The following PTPRN2 variants were observed in gnomAD, a reference collection of about 807,000 sequenced individuals.
The protein encoded by PTPRN2 is protein tyrosine phosphatase receptor type N2, also known as receptor-type tyrosine-protein phosphatase N2.
A neutral mutation model predicts 118.8 loss-of-function variants in PTPRN2; 74 were observed. The ratio of observed to expected loss-of-function variants is 0.62; its 90% confidence interval spans 0.52 to 0.76. The LOEUF is 0.76. Ranked by LOEUF, PTPRN2 falls within the 30% of genes least tolerant of loss-of-function variation. The pLI is 0.00. For synonymous variants in PTPRN2, 641 were observed against 608.0 expected, an observed-to-expected ratio of 1.05 and a Z score of -0.80; for missense variants, 1,481 against 1,394.4, an observed-to-expected ratio of 1.06 and a Z score of -0.99.
chr7:157,840,620 TG>T (rs1808354405), intron 12 of PTPRN2, among the ~76,000 whole-genome samples: 1 of 152,080 alleles, frequency 6.6e-6, no homozygotes, highest in South Asian at 2.1e-4. Context: ...GGCCCCGTGT[TG>T]GGGGGAAGTT....
chr7:158,398,837 C>A (rs1812726390), intron 2 of PTPRN2, among the ~76,000 whole-genome samples: 1 of 152,206 alleles, frequency 6.6e-6, no homozygotes, highest in Admixed American at 6.5e-5. Flanking sequence ...TCACTGTTTC[C>A]AAGCTTACTT....
At chr7:158,262,271 CAT>C (rs1387517711) in intron 3 of PTPRN2, among the ~76,000 whole-genome samples, 4 of 152,096 alleles carry the variant, frequency 2.6e-5, no homozygotes, top group African/African-American at 7.2e-5. Flanking sequence ...CACTGCAACA[CAT>C]ATACACACAT....
intron 14 of PTPRN2, among the ~76,000 whole-genome samples, chr7:157,650,471 G>A (rs2035897358): frequency 6.6e-6 from 1 of 152,248 alleles, no homozygotes; most frequent in Non-Finnish European, 1.5e-5. Context: ...GTCTGTGAAC[G>A]CAGGCCCCAC....
At chr7:157,895,088 G>A (rs1368127239) in intron 12 of PTPRN2, among the ~76,000 whole-genome samples, 1 of 152,144 alleles carries the variant, frequency 6.6e-6, no homozygotes, top group Non-Finnish European at 1.5e-5. Context: ...TGATGAGCAG[G>A]AGCTGTAGAA....
Position 158,529,531 on chromosome 7 carries a change from C to A in PTPRN2, c.113-39746G>T, listed in dbSNP as rs78250975. 2.7e-3 allele frequency among the ~76,000 whole-genome samples: 406 copies of A among 152,340 alleles called. 6 individuals carry two copies. The highest frequency in any genetic ancestry group is 0.023 in the East Asian group (119 of 5,170). On this transcript the variant is annotated intron_variant, in intron 1 of 22. Coordinates refer to ENST00000389418, the MANE Select transcript of PTPRN2 (RefSeq NM_002847.5). This position sits in a 1 kb window ranked among gnomAD's most constrained non-coding sequence, Gnocchi z 4.7. ...ACTCACATCGCTGCCTCTGGAACCA[C>A]AGAGTGCTCTGTATTAGATATTTTG...
chr7:158,405,194 G>A (rs1460854097), intron 2 of PTPRN2, among the ~76,000 whole-genome samples: 1 of 152,266 alleles, frequency 6.6e-6, no homozygotes, highest in Admixed American at 6.5e-5. Context: ...GATGCCTGGA[G>A]TCCACATCCT....
chr7:158,212,023 A>G (rs1182706457), intron 3 of PTPRN2, among the ~76,000 whole-genome samples: 1 of 152,244 alleles, frequency 6.6e-6, no homozygotes, highest in Non-Finnish European at 1.5e-5. Context: ...ACAGTGGAGT[A>G]CTATTCAGCC....
At chr7:158,078,288 T>C (rs1445450951) in intron 11 of PTPRN2, among the ~76,000 whole-genome samples, 1 of 152,188 alleles carries the variant, frequency 6.6e-6, no homozygotes, top group South Asian at 2.1e-4. Flanking sequence ...CTCAGGCCCT[T>C]GAGGGAACCA....
intron 13 of PTPRN2, among the ~76,000 whole-genome samples, chr7:157,664,149 T>C (rs1796024559): frequency 6.6e-6 from 1 of 152,196 alleles, no homozygotes; most frequent in African/African-American, 2.4e-5. Context: ...CACTCTTCAT[T>C]GAAAAGTAGC....
chr7:157,615,523 C>G lies in PTPRN2; in HGVS notation c.2344+5839G>C. On this transcript the variant is annotated intron_variant, in intron 15 of 22. Transcript: ENST00000389418. The surrounding 1 kb of genome is among the most constrained non-coding windows in gnomAD (Gnocchi z 4.3). ...GGGACCTGGGGACGGCTGGGGTGAC[C>G]CCATCGCAAGGCCGGGCCGTGGAAA... The G allele has an allele frequency of 2.1e-6, 1 of 471,214 alleles. No individual in the cohort carries two copies. The highest frequency in any genetic ancestry group is 1.5e-5 in the South Asian group (1 of 64,568). 29.2% of individuals were successfully genotyped at this position (471,214 alleles called of 1,614,324 possible). A position where few individuals can be genotyped will look rare whatever the true frequency, so the allele number is the denominator to read the frequency against.
intron 21 of PTPRN2, among the ~76,000 whole-genome samples, chr7:157,556,160 C>G (rs1221986380): frequency 6.6e-6 from 1 of 152,178 alleles, no homozygotes; most frequent in Non-Finnish European, 1.5e-5. Context: ...AGACCTGGGT[C>G]TCAGGGATGC....
chr7:157,548,805 G>A (rs1258849245), intron 22 of PTPRN2, 141 bp downstream of exon 22: 11 of 833,092 alleles, frequency 1.3e-5, no homozygotes, highest in African/African-American at 5.1e-5. Context: ...ATGCAAGGCC[G>A]GCATGGACGA....
rs536398592 is a variant in PTPRN2, at chr7:158,266,596, C to T, written c.277+50223G>A. On this transcript the variant is annotated intron_variant, in intron 3 of 22. Coordinates refer to ENST00000389418, the MANE Select transcript of PTPRN2 (RefSeq NM_002847.5). ...GGCTGTGAGCATCAGGCCTGAATTC[C>T]GTGAACTGAGGAACAGCCTGACAGA... 1.4e-4 allele frequency among the ~76,000 whole-genome samples: 22 copies of T among 152,234 alleles called. 1 individual carries two copies. The highest frequency in any genetic ancestry group is 1.1e-3 in the Admixed American group (17 of 15,282).
intron 5 of PTPRN2, among the ~76,000 whole-genome samples, chr7:158,185,944 C>A (rs1388921778): frequency 1.3e-5 from 2 of 152,160 alleles, no homozygotes; most frequent in East Asian, 3.9e-4. Flanking sequence ...CTCCCTTGTC[C>A]CCAGTCTTCA....
chr7:158,188,343 GGCCGCCACGCTCGCCGCCTGAT>G lies in PTPRN2; in HGVS notation c.549+3962_549+3983del, dbSNP rs1380969611. Among the ~76,000 whole-genome samples the G allele has an allele frequency of 1.9e-3, 136 of 72,342 alleles. 7 individuals are homozygous for G. The highest frequency in any genetic ancestry group is 5.2e-3 in the East Asian group (10 of 1,928). The allele number at this position is 72,342 out of a possible 152,430, so 47.5% of individuals were successfully genotyped here. A position where few individuals can be genotyped will look rare whatever the true frequency, so the allele number is the denominator to read the frequency against. On this transcript the variant is annotated intron_variant, in intron 5 of 22. Transcript: ENST00000389418. ...GCCACGCTCGCCCCCTGATGGGGAAGGCCGCCACGCTCGCCGCCTGATGGGGAAGGCCGCCACGCTCGCCCCG... is the reference window on the plus strand; with the variant it reads ...GCCACGCTCGCCCCCTGATGGGGAAGGGGGAAGGCCGCCACGCTCGCCCCG...
intron 12 of PTPRN2, among the ~76,000 whole-genome samples, chr7:157,850,747 G>C (rs1179614728): frequency 2.0e-5 from 3 of 152,216 alleles, no homozygotes; most frequent in African/African-American, 7.2e-5. Context: ...GCAGGCTGGG[G>C]CATGGAGGCG....
intron 12 of PTPRN2, among the ~76,000 whole-genome samples, chr7:157,870,515 G>T (rs1810984559): frequency 6.6e-6 from 1 of 152,164 alleles, no homozygotes; most frequent in African/African-American, 2.4e-5. Context: ...CAGAATTCAT[G>T]TTGCTCTGAT....
chr7:157,651,674 C>T (rs377613704), intron 14 of PTPRN2, among the ~76,000 whole-genome samples: 3 of 152,158 alleles, frequency 2.0e-5, no homozygotes, highest in Admixed American at 6.5e-5. Context: ...TGAAAAAACT[C>T]GATGATTCTT....
At chr7:158,118,314 G>A (rs894223686) in intron 9 of PTPRN2, among the ~76,000 whole-genome samples, 1 of 152,232 alleles carries the variant, frequency 6.6e-6, no homozygotes, top group East Asian at 1.9e-4. Context: ...TTGAAGTCAA[G>A]CTAGTATAAA....
Sources: allele counts gnomAD v4.1 joint callset (sites outside exome capture counted in the v4.1 genomes callset), GRCh38; gene constraint gnomAD v4.1.1; non-coding constraint Gnocchi (gnomAD v3.1); transcripts MANE v1.5; gene names NCBI Gene and HGNC (gene_info 2026-07-23, HGNC 2026-07-21).